The following DLG1 variants were observed in gnomAD, a reference collection of about 807,000 sequenced individuals.
DLG1 encodes the protein discs large MAGUK scaffold protein 1.
Under a neutral mutation model 123.4 loss-of-function variants are expected in DLG1, and 42 were observed. The ratio of observed to expected loss-of-function variants is 0.34; its 90% CI spans 0.27 to 0.44. The LOEUF is 0.44. Ranked by LOEUF, DLG1 falls within the 20% of genes least tolerant of loss-of-function variation. DLG1 has a pLI of 1.00. For synonymous variants in DLG1, 317 were observed against 356.2 expected, an observed-to-expected ratio of 0.89 and a Z score of 1.24; for missense variants, 942 against 1,082.6, an observed-to-expected ratio of 0.87 and a Z score of 1.82.
At chr3:197,147,432 G>GCACACACACACACACA (rs67643945) in intron 6 of DLG1, among the ~76,000 whole-genome samples, 2 of 147,086 alleles carry the variant, frequency 1.4e-5, no homozygotes, top group African/African-American at 2.5e-5. Flanking sequence ...TATATGGTGT[G>GCACACACACACACACA]CACACACACA....
At chr3:197,274,137 G>A (rs1073726) in intron 4 of DLG1, among the ~76,000 whole-genome samples, 36,906 of 151,906 alleles carry the variant, frequency 0.24, 5,665 homozygotes, top group East Asian at 0.71. Context: ...AAAACACTCC[G>A]AATACCCAGA....
chr3:197,296,775 T>A (rs1777561310), intron 2 of DLG1: 1 of 351,790 alleles, frequency 2.8e-6, no homozygotes, highest in African/African-American at 2.3e-5. Context: ...TTAGCAACAG[T>A]TTCAGATTAC....
chr3:197,259,926 T>C (rs534335947), intron 4 of DLG1, among the ~76,000 whole-genome samples: 2 of 152,306 alleles, frequency 1.3e-5, no homozygotes, highest in East Asian at 1.9e-4. Context: ...TCAACTAGCA[T>C]GGCATGTTGG....
chr3:197,056,550 G>C (rs1474311881), intron 23 of DLG1, among the ~76,000 whole-genome samples: 1 of 152,040 alleles, frequency 6.6e-6, no homozygotes, highest in Non-Finnish European at 1.5e-5. Flanking sequence ...AGTCTGCTTG[G>C]CTTAGTATTT....
chr3:197,217,033 T>C (rs1352775191), intron 4 of DLG1, among the ~76,000 whole-genome samples: 2 of 152,220 alleles, frequency 1.3e-5, no homozygotes, highest in African/African-American at 2.4e-5. Context: ...AATTCAAGAA[T>C]AGATGAGTGA....
intron 4 of DLG1, among the ~76,000 whole-genome samples, chr3:197,216,937 T>A (rs553085597): frequency 6.6e-6 from 1 of 152,332 alleles, no homozygotes; most frequent in South Asian, 2.1e-4. Flanking sequence ...AGCAACACTG[T>A]AGATTAATGA....
chr3:197,196,910 G>A (rs943699666), intron 4 of DLG1, among the ~76,000 whole-genome samples: 1 of 152,112 alleles, frequency 6.6e-6, no homozygotes, highest in African/African-American at 2.4e-5. Context: ...AACACTGTAT[G>A]TATGTATCAT....
chr3:197,255,457 T>A (rs926147774), intron 4 of DLG1, among the ~76,000 whole-genome samples: 2 of 152,202 alleles, frequency 1.3e-5, no homozygotes, highest in Non-Finnish European at 2.9e-5. Context: ...TGCTTTGTCC[T>A]ATTAAACAAA....
In DLG1 at chr3:197,251,678, G is replaced by C. The variant is rs57512741; in HGVS notation, c.318+31001C>G. 3.9e-5 allele frequency among the ~76,000 whole-genome samples: 6 copies of C among 151,992 alleles called. No individual in the cohort carries two copies. In the East Asian group the frequency reaches 1.2e-3, roughly 29 times the overall value. On this transcript the variant is annotated intron_variant, in intron 4 of 24. Coordinates refer to ENST00000667157, the MANE Select transcript of DLG1 (RefSeq NM_001366207.1). ...AAAAAGACAAATGAGATTACATCAA[G>C]CTAAAAAGCTTCTGCACAGCAAAAA...
chr3:197,179,961 C>T (rs997116707), intron 5 of DLG1, among the ~76,000 whole-genome samples: 1 of 148,154 alleles, frequency 6.7e-6, no homozygotes, highest in East Asian at 2.0e-4. Context: ...TTTAAGAAAA[C>T]TTTATTATTC....
At position 197,079,196 on chromosome 3, in the gene DLG1, GAC is replaced by G. The variant is rs1228870556; in HGVS notation, c.1905+1853_1905+1854del. On this transcript the variant is annotated intron_variant, in intron 17 of 24. Coordinates refer to ENST00000667157, the MANE Select transcript of DLG1 (RefSeq NM_001366207.1). Reference sequence around the variant, plus strand: ...GTCATTAATGCTATATCGCAAGAGAGACAGTGTAAGAATTGATAAAATATCAT... The same window carrying G: ...GTCATTAATGCTATATCGCAAGAGAGAGTGTAAGAATTGATAAAATATCAT... Among the ~76,000 whole-genome samples, 5 of 152,154 alleles carry G rather than the reference GAC, an allele frequency of 3.3e-5. No individual in the cohort carries two copies. In the East Asian group the frequency reaches 7.7e-4, roughly 23 times the overall value.
chr3:197,088,086 G>A (rs921684293), intron 15 of DLG1, among the ~76,000 whole-genome samples: 11 of 152,120 alleles, frequency 7.2e-5, no homozygotes, highest in Non-Finnish European at 1.6e-4. Flanking sequence ...ACAGAATGAC[G>A]TGGGACAGGA....
At chr3:197,241,902 A>C (rs972468767) in intron 4 of DLG1, among the ~76,000 whole-genome samples, 1 of 152,182 alleles carries the variant, frequency 6.6e-6, no homozygotes, top group African/African-American at 2.4e-5. Flanking sequence ...CTTAACCACA[A>C]GAAAGGAAGA....
At chr3:197,138,651 A>G (rs1786316030) in intron 8 of DLG1, among the ~76,000 whole-genome samples, 1 of 152,210 alleles carries the variant, frequency 6.6e-6, no homozygotes, top group Non-Finnish European at 1.5e-5. Context: ...TAATAATTAC[A>G]GCTACCATTT....
chr3:197,255,167 T>C (rs1013650061), intron 4 of DLG1, among the ~76,000 whole-genome samples: 1 of 152,192 alleles, frequency 6.6e-6, no homozygotes, highest in Admixed American at 6.6e-5. Context: ...CATTCTTCTG[T>C]CACATGCCTC....
chr3:197,204,322 T>C (rs993836456), intron 4 of DLG1, among the ~76,000 whole-genome samples: 14 of 152,190 alleles, frequency 9.2e-5, no homozygotes, highest in African/African-American at 3.4e-4. Flanking sequence ...ACAATTGATA[T>C]TAGATTGCTT....
chr3:197,128,354 T>G (rs1281015795), intron 11 of DLG1, among the ~76,000 whole-genome samples: 1 of 152,210 alleles, frequency 6.6e-6, no homozygotes, highest in Non-Finnish European at 1.5e-5. Context: ...GTTGTTAAAG[T>G]TTTATCATGA....
At chr3:197,195,475 C>T (rs1193661057) in intron 4 of DLG1, among the ~76,000 whole-genome samples, 1 of 151,990 alleles carries the variant, frequency 6.6e-6, no homozygotes, top group Non-Finnish European at 1.5e-5. Context: ...ATGGAATCAA[C>T]CAAGATACCC....
chr3:197,163,971 T>G (rs867112601), intron 5 of DLG1, among the ~76,000 whole-genome samples: 1 of 152,076 alleles, frequency 6.6e-6, no homozygotes. Context: ...ATTTTACCAA[T>G]AAAAAATATT....
Sources: gnomAD v4.1 joint callset for allele counts (sites outside exome capture counted in the v4.1 genomes callset) on GRCh38, gnomAD v4.1.1 for gene constraint, MANE v1.5 for transcripts, NCBI Gene and HGNC (gene_info 2026-07-23, HGNC 2026-07-21) for gene names.